Variants in KIF1B observed in about 807,000 individuals in gnomAD.
KIF1B encodes the protein kinesin-like protein KIF1B.
A neutral mutation model predicts 241.9 loss-of-function variants in KIF1B; 76 were observed. That is an observed-to-expected ratio of 0.31 (90% CI 0.26 to 0.38). KIF1B has a LOEUF of 0.38. Among genes scored for constraint, KIF1B ranks in the 10% least tolerant of loss-of-function variants. The pLI is 1.00. For synonymous variants in KIF1B, 750 were observed against 796.7 expected (o/e 0.94, Z 0.99); for missense variants, 1,622 against 2,271.4 (o/e 0.71, Z 5.81).
intron 28 of KIF1B, 54 bp from the exon 29 acceptor site, chr1:10,336,603 C>T: frequency 1.4e-6 from 2 of 1,391,668 alleles, no homozygotes; most frequent in Non-Finnish European, 2.0e-6. Context: ...CTTTTTCCCT[C>T]CCTCCCCCTG....
At position 10,246,194 on chromosome 1, in the gene KIF1B, A is replaced by G. The variant is rs77901403; in HGVS notation, c.107-10053A>G. On this transcript the variant is annotated intron_variant, in intron 2 of 48. Transcript: ENST00000676179. ...ACTATTGTTTTTTCCCTTCCTGACC[A>G]CCCAGAGTGGCTCCTCCTTTATTTT... Among the ~76,000 whole-genome samples, 1,043 of 152,208 alleles carry G rather than the reference A, an allele frequency of 6.9e-3. 3 individuals are homozygous for G. Among genetic ancestry groups the G allele is most frequent in the Non-Finnish European group, 0.011 (775 of 67,990 alleles).
At chr1:10,311,191 C>T (rs972714039) in intron 22 of KIF1B, among the ~76,000 whole-genome samples, 2 of 150,736 alleles carry the variant, frequency 1.3e-5, no homozygotes, top group African/African-American at 4.9e-5. Flanking sequence ...GTACTTATTA[C>T]GTCCTACTTG....
At chr1:10,260,204 A>T (rs1648049349) in intron 4 of KIF1B, among the ~76,000 whole-genome samples, 1 of 152,192 alleles carries the variant, frequency 6.6e-6, no homozygotes, top group Non-Finnish European at 1.5e-5. Context: ...TACTGTACTG[A>T]ATACTACAGG....
chr1:10,212,898 A>G lies in KIF1B; in HGVS notation c.-80+2020A>G, dbSNP rs1257252820. On this transcript the variant is annotated intron_variant, in intron 1 of 48. Coordinates refer to ENST00000676179, the MANE Select transcript of KIF1B (RefSeq NM_001365951.3). Reference sequence around the variant, plus strand: ...TGTGTGCATGCGTGTGTGTATATATATATATATATATATATATATATATAT... The same window carrying G: ...TGTGTGCATGCGTGTGTGTATATATGTATATATATATATATATATATATAT... Among the ~76,000 whole-genome samples, 197 of 37,252 alleles carry G rather than the reference A, an allele frequency of 5.3e-3. 2 individuals are homozygous for G. The highest frequency in any genetic ancestry group is 8.0e-3 in the South Asian group (12 of 1,502). 24.4% of individuals were successfully genotyped at this position (37,252 alleles called of 152,430 possible).
Position 10,320,100 on chromosome 1 carries a change from G to A in KIF1B, c.2173G>A (p.Ala725Thr). Residue 725 changes from alanine to threonine, a missense_variant, in exon 23 of 49, where the codon GCA becomes ACA. Transcript: ENST00000676179. ...QKQVETRSLA[A>T]ETTEEEEEEE... ...GCAGGTTGAAACCCGATCTCTGGCTGCAGAAACAACTGAAGAGGAGGAAGA... is the reference window on the plus strand; with the variant it reads ...GCAGGTTGAAACCCGATCTCTGGCTACAGAAACAACTGAAGAGGAGGAAGA... 2 of 1,613,686 alleles carry A rather than the reference G, an allele frequency of 1.2e-6. No homozygotes were observed. The highest frequency in any genetic ancestry group is 1.7e-6 in the Non-Finnish European group (2 of 1,179,684).
rs771795825 is a variant in KIF1B, at chr1:10,336,642, T to C, written c.3044-15T>C. 6.2e-7 allele frequency: 1 copy of C among 1,610,402 alleles called. No individual in the cohort carries two copies. The highest frequency in any genetic ancestry group is 1.7e-5 in the Admixed American group (1 of 60,012). On this transcript the variant is annotated splice_polypyrimidine_tract_variant and intron_variant, in intron 28 of 48. Transcript: ENST00000676179. Reference sequence around the variant, plus strand: ...AGTCTCACTCAATTCTTGCTAATTTTTTTTTCTGCTTTAGCGGATGAAGAA... The same window carrying C: ...AGTCTCACTCAATTCTTGCTAATTTCTTTTTCTGCTTTAGCGGATGAAGAA...
chr1:10,305,431 C>CT (rs749114499), intron 22 of KIF1B: 496 of 1,057,264 alleles, frequency 4.7e-4, no homozygotes, highest in Non-Finnish European at 5.4e-4. Flanking sequence ...ACAAAGTGAA[C>CT]TATTCACCAA....
intron 27 of KIF1B, among the ~76,000 whole-genome samples, chr1:10,329,930 G>A (rs1402131641): frequency 6.6e-6 from 1 of 152,066 alleles, no homozygotes; most frequent in Non-Finnish European, 1.5e-5. Flanking sequence ...CTAGTCTTCT[G>A]GGTTAAAAGG....
intron 37 of KIF1B, among the ~76,000 whole-genome samples, chr1:10,350,650 C>T (rs1652759515): frequency 6.6e-6 from 1 of 152,208 alleles, no homozygotes; most frequent in African/African-American, 2.4e-5. Flanking sequence ...CTGGCCAATT[C>T]TTCTGTGGTT....
At chr1:10,334,149 CAAAAAAAA>C (rs372716443) in intron 27 of KIF1B, among the ~76,000 whole-genome samples, 7 of 82,944 alleles carry the variant, frequency 8.4e-5, no homozygotes, top group African/African-American at 3.2e-4. Flanking sequence ...GACTCTGTCT[CAAAAAAAA>C]AAAAAAAAAA....
chr1:10,267,223 T>C (rs1166517308), intron 5 of KIF1B, among the ~76,000 whole-genome samples, 157 bp from the exon 6 acceptor site: 4 of 152,178 alleles, frequency 2.6e-5, no homozygotes, highest in African/African-American at 9.7e-5. Flanking sequence ...TTCACCATGT[T>C]GGCCAGACTG....
At chr1:10,218,122 T>C (rs1490309746) in intron 1 of KIF1B, among the ~76,000 whole-genome samples, 1 of 152,160 alleles carries the variant, frequency 6.6e-6, no homozygotes, top group Admixed American at 6.6e-5. Context: ...AGCCAGGCTC[T>C]GACAGTGTCA....
chr1:10,249,253 C>CTATTTTA (rs1647310539), intron 2 of KIF1B, among the ~76,000 whole-genome samples: 1 of 152,074 alleles, frequency 6.6e-6, no homozygotes, highest in Non-Finnish European at 1.5e-5. Context: ...GTCCAACACA[C>CTATTTTA]TATTTTAGCT....
intron 41 of KIF1B, among the ~76,000 whole-genome samples, chr1:10,364,200 CTTT>C (rs779967463): frequency 9.7e-5 from 11 of 113,844 alleles, no homozygotes; most frequent in African/African-American, 3.4e-4. Flanking sequence ...GGGACAGGAT[CTTT>C]TTTTTTTTTT....
chr1:10,251,819 G>A (rs17034615), intron 2 of KIF1B, among the ~76,000 whole-genome samples: 10,813 of 151,974 alleles, frequency 0.071, 459 homozygotes, highest in Middle Eastern at 0.13. Flanking sequence ...AAATTTTCTA[G>A]AGGCTAGGAG....
chr1:10,252,251 G>T (rs1435042777), intron 2 of KIF1B, among the ~76,000 whole-genome samples: 1 of 151,976 alleles, frequency 6.6e-6, no homozygotes, highest in Non-Finnish European at 1.5e-5. Context: ...CGTTGGCCAG[G>T]CTGGTCGCAA....
chr1:10,378,558 C>A lies in KIF1B; in HGVS notation c.*1971C>A. 1.5e-6 allele frequency: 1 copy of A among 654,108 alleles called. No homozygotes were observed. 40.5% of individuals were successfully genotyped at this position (654,108 alleles called of 1,614,324 possible). On this transcript the variant is annotated 3_prime_UTR_variant, in exon 49 of 49. Transcript: ENST00000676179. Reference sequence around the variant, plus strand: ...ATTCAGGAAAGTATCTGCTCACTCCCACTTGGTGAGTCCTCGGCCTTGAGG... The same window carrying A: ...ATTCAGGAAAGTATCTGCTCACTCCAACTTGGTGAGTCCTCGGCCTTGAGG...
chr1:10,259,460 A>G (rs1330915381), intron 4 of KIF1B, among the ~76,000 whole-genome samples: 1 of 150,964 alleles, frequency 6.6e-6, no homozygotes, highest in South Asian at 2.1e-4. Flanking sequence ...GACTAAAGCC[A>G]TGTGCCACCA....
At chr1:10,239,402 G>T (rs906641921) in intron 2 of KIF1B, among the ~76,000 whole-genome samples, 1 of 151,480 alleles carries the variant, frequency 6.6e-6, no homozygotes, top group African/African-American at 2.4e-5. Flanking sequence ...CTATTCTATT[G>T]CTGCTGAACA....
Sources: allele counts gnomAD v4.1 joint callset (sites outside exome capture counted in the v4.1 genomes callset), GRCh38; gene constraint gnomAD v4.1.1; transcripts MANE v1.5; gene names NCBI Gene and HGNC (gene_info 2026-07-23, HGNC 2026-07-21).